ADK: variants seen among roughly 807,000 people sequenced by gnomAD.
ADK encodes the protein N6,N6-dimethyladenosine kinase.
Under a neutral mutation model 44.7 loss-of-function variants are expected in ADK, and 24 were observed. That is an observed-to-expected ratio of 0.54 (90% CI 0.39 to 0.76). The LOEUF (loss-of-function observed/expected upper bound fraction) is 0.76, where lower values mean the gene tolerates loss of function less well. ADK is among the 30% of genes least tolerant of loss of function. The pLI is 0.00. For synonymous variants in ADK, 128 were observed against 142.6 expected, an observed-to-expected ratio of 0.90 and a Z score of 0.73; for missense variants, 321 against 425.1, an observed-to-expected ratio of 0.76 and a Z score of 2.15.
At chr10:74,539,767 A>C (rs1849565096) in intron 7 of ADK, among the ~76,000 whole-genome samples, 1 of 152,184 alleles carries the variant, frequency 6.6e-6, no homozygotes, top group East Asian at 1.9e-4. Flanking sequence ...GAGAAGGATA[A>C]TGAAATTTCA....
intron 3 of ADK, among the ~76,000 whole-genome samples, chr10:74,305,950 C>T (rs555798783): frequency 2.6e-5 from 4 of 152,160 alleles, no homozygotes; most frequent in African/African-American, 7.2e-5. Context: ...GTTTCAAACT[C>T]GTGGGTTCAA....
intron 7 of ADK, among the ~76,000 whole-genome samples, chr10:74,547,466 A>T (rs367785665): frequency 1.1e-5 from 1 of 88,394 alleles, no homozygotes; most frequent in African/African-American, 3.6e-5. Context: ...TTATTTATTT[A>T]TTTATTTTTA....
intron 9 of ADK, among the ~76,000 whole-genome samples, chr10:74,617,636 C>T (rs1311610371): frequency 6.6e-6 from 1 of 152,068 alleles, no homozygotes; most frequent in Non-Finnish European, 1.5e-5. Context: ...CGTCTTGTCA[C>T]CCAGGCTGGA....
intron 7 of ADK, among the ~76,000 whole-genome samples, chr10:74,578,779 A>C (rs1851280825): frequency 1.3e-5 from 2 of 152,220 alleles, no homozygotes; most frequent in Non-Finnish European, 2.9e-5. Flanking sequence ...AGAATATGTA[A>C]AATAAAGGAG....
intron 6 of ADK, among the ~76,000 whole-genome samples, chr10:74,513,037 A>G (rs577316836): frequency 2.0e-5 from 3 of 152,158 alleles, no homozygotes; most frequent in South Asian, 4.1e-4. Flanking sequence ...TCAGGAGCAT[A>G]TTGTTTAATT....
intron 10 of ADK, among the ~76,000 whole-genome samples, chr10:74,706,021 T>C (rs1856593255): frequency 6.6e-6 from 1 of 152,224 alleles, no homozygotes. Context: ...AAAGTTCAGA[T>C]TATTTTTTCT....
intron 4 of ADK, among the ~76,000 whole-genome samples, chr10:74,339,157 C>T (rs1298712708): frequency 6.6e-6 from 1 of 151,984 alleles, no homozygotes; most frequent in East Asian, 1.9e-4. Context: ...ATGGGGGTCT[C>T]ACCATGTTGC....
intron 7 of ADK, among the ~76,000 whole-genome samples, chr10:74,573,187 G>C (rs2133864022): frequency 6.6e-6 from 1 of 152,012 alleles, no homozygotes; most frequent in African/African-American, 2.4e-5. Flanking sequence ...TTTTGGTGTG[G>C]ATGTCCTTTC....
intron 4 of ADK, chr10:74,371,983 C>T: frequency 1.2e-6 from 1 of 822,224 alleles, no homozygotes. Flanking sequence ...TTGTGTAACA[C>T]AGATTCTCCT....
chr10:74,458,706 T>C (rs1169182986), intron 6 of ADK, among the ~76,000 whole-genome samples: 1 of 152,180 alleles, frequency 6.6e-6, no homozygotes, highest in Non-Finnish European at 1.5e-5. Context: ...CTTTCACTTT[T>C]CACAGCTCCC....
Position 74,222,314 on chromosome 10 carries a change from T to A in ADK, c.141-2224T>A, listed in dbSNP as rs1844342156. 2.0e-5 allele frequency among the ~76,000 whole-genome samples: 3 copies of A among 151,766 alleles called. No individual in the cohort carries two copies. The South Asian group carries it at 6.3e-4, about 32-fold the overall frequency. ...TGCAAATCAAAACCACAGTGAGATA[T>A]CATCTCACACCAGTTAGAATGGCAA... On this transcript the variant is annotated intron_variant, in intron 2 of 10. Coordinates refer to ENST00000539909, the MANE Select transcript of ADK (RefSeq NM_006721.4).
intron 9 of ADK, among the ~76,000 whole-genome samples, chr10:74,618,193 G>A (rs1489489214): frequency 6.6e-6 from 1 of 151,900 alleles, no homozygotes; most frequent in Non-Finnish European, 1.5e-5. Context: ...ATGTATTTGT[G>A]TTCATATCTT....
At chr10:74,609,545 C>T (rs1318929572) in intron 9 of ADK, among the ~76,000 whole-genome samples, 1 of 152,124 alleles carries the variant, frequency 6.6e-6, no homozygotes, top group East Asian at 1.9e-4. Context: ...ACCCTGCTTC[C>T]GCTCGCCCTT....
In ADK at chr10:74,452,433, C is replaced by G. The variant is rs536899252; in HGVS notation, c.555+53854C>G. On this transcript the variant is annotated intron_variant, in intron 6 of 10. Transcript: ENST00000539909. The stretch of plus-strand genomic sequence containing the variant: ...GTGGGAAGAAATGAGATTAAGCATA[C>G]AAGCTTTCTTTTTCATTTAAACATC... Among the ~76,000 whole-genome samples, 7 of 152,012 alleles carry G rather than the reference C, an allele frequency of 4.6e-5. No individual in the cohort carries two copies. The East Asian group carries it at 1.4e-3, about 29-fold the overall frequency.
At chr10:74,700,024 C>G (rs1856356882) in intron 10 of ADK, among the ~76,000 whole-genome samples, 1 of 152,114 alleles carries the variant, frequency 6.6e-6, no homozygotes, top group African/African-American at 2.4e-5. Flanking sequence ...AGTTCTACTT[C>G]TAGAATTTAT....
chr10:74,252,879 A>C (rs1453773099), intron 3 of ADK, among the ~76,000 whole-genome samples: 1 of 152,236 alleles, frequency 6.6e-6, no homozygotes, highest in East Asian at 1.9e-4. Flanking sequence ...TCCCTGTATC[A>C]TACCCTCATA....
intron 6 of ADK, among the ~76,000 whole-genome samples, chr10:74,470,725 C>A (rs61859827): frequency 0.032 from 4,818 of 151,978 alleles, 128 homozygotes; most frequent in Middle Eastern, 0.054. Context: ...TATTTTCTCT[C>A]ACTTCATAAG....
At chr10:74,183,799 C>T (rs1394287377) in intron 1 of ADK, among the ~76,000 whole-genome samples, 1 of 151,914 alleles carries the variant, frequency 6.6e-6, no homozygotes, top group African/African-American at 2.4e-5. Flanking sequence ...CAAGCCACCA[C>T]GCCTGGCCAT....
intron 6 of ADK, among the ~76,000 whole-genome samples, chr10:74,437,514 A>C (rs1490665011): frequency 6.6e-6 from 1 of 152,158 alleles, no homozygotes; most frequent in Non-Finnish European, 1.5e-5. Context: ...CCTAGGAGTC[A>C]TCCTTGATTT....
Sources: gnomAD v4.1 joint callset for allele counts (sites outside exome capture counted in the v4.1 genomes callset) on GRCh38, gnomAD v4.1.1 for gene constraint, MANE v1.5 for transcripts, NCBI Gene and HGNC (gene_info 2026-07-23, HGNC 2026-07-21) for gene names.